Variants in TENM4 observed in about 807,000 individuals in gnomAD.
TENM4 encodes teneurin-4.
In TENM4, 82 loss-of-function variants were observed where a neutral mutation model predicts 243.3. The ratio of observed to expected loss-of-function variants is 0.34; its 90% CI spans 0.28 to 0.40. The LOEUF is 0.40. Among genes scored for constraint, TENM4 ranks in the 10% least tolerant of loss-of-function variants. TENM4 has a pLI of 1.00. For missense variants in TENM4, 3,138 were observed against 3,673.3 expected, an observed-to-expected ratio of 0.85 and a Z score of 3.77; for synonymous variants, 1,412 against 1,456.3, an observed-to-expected ratio of 0.97 and a Z score of 0.69.
chr11:79,237,342 C>T (rs192346028), intron 2 of TENM4, among the ~76,000 whole-genome samples: 3 of 152,272 alleles, frequency 2.0e-5, no homozygotes, highest in Admixed American at 6.5e-5. Context: ...TCTGCTAATG[C>T]CTGGGAAATC....
intron 12 of TENM4, among the ~76,000 whole-genome samples, chr11:78,841,054 C>T (rs949611449): frequency 1.3e-5 from 2 of 152,226 alleles, no homozygotes; most frequent in South Asian, 4.1e-4. Flanking sequence ...GTGCATGTTA[C>T]TGCCAATAAC....
At chr11:79,267,676 G>T (rs1855904718) in intron 2 of TENM4, among the ~76,000 whole-genome samples, 1 of 152,228 alleles carries the variant, frequency 6.6e-6, no homozygotes, top group South Asian at 2.1e-4. Context: ...ATTCCTTAGA[G>T]AATAAATTAT....
chr11:79,159,379 C>T (rs992853270), intron 3 of TENM4, among the ~76,000 whole-genome samples: 5 of 151,798 alleles, frequency 3.3e-5, no homozygotes, highest in African/African-American at 7.3e-5. Context: ...CCTTATTTTG[C>T]GAATACAGAA....
chr11:78,927,596 C>T (rs1856579453), intron 6 of TENM4, among the ~76,000 whole-genome samples: 1 of 152,186 alleles, frequency 6.6e-6, no homozygotes. Context: ...CCTCCCTTTG[C>T]TCAGCGTCAG....
intron 28 of TENM4, among the ~76,000 whole-genome samples, chr11:78,697,249 C>G (rs1395622589): frequency 1.3e-5 from 2 of 152,204 alleles, no homozygotes; most frequent in African/African-American, 4.8e-5. Flanking sequence ...GCCATCCCAG[C>G]TGAACTCTTT....
At chr11:78,743,689 C>G (rs773329067) in intron 19 of TENM4, among the ~76,000 whole-genome samples, 4 of 152,140 alleles carry the variant, frequency 2.6e-5, no homozygotes, top group Admixed American at 1.3e-4. Context: ...ATTCTATACC[C>G]TCCTCATCTG....
At chr11:79,037,693 C>T (rs980926143) in intron 6 of TENM4, among the ~76,000 whole-genome samples, 1 of 152,130 alleles carries the variant, frequency 6.6e-6, no homozygotes, top group South Asian at 2.1e-4. Flanking sequence ...TCTATTAATA[C>T]CTTTTCTCCC....
chr11:79,268,143 T>C (rs1855911242), intron 2 of TENM4, among the ~76,000 whole-genome samples: 1 of 152,216 alleles, frequency 6.6e-6, no homozygotes, highest in Non-Finnish European at 1.5e-5. Flanking sequence ...CTTTCTCAAC[T>C]GTGAACTCAA....
Position 79,003,916 on chromosome 11 carries a change from C to T in TENM4, c.493+60822G>A, listed in dbSNP as rs569898211. 3.1e-4 allele frequency among the ~76,000 whole-genome samples: 47 copies of T among 149,840 alleles called. No homozygotes were observed. In the South Asian group the frequency reaches 9.8e-3, roughly 31 times the overall value. On this transcript the variant is annotated intron_variant, in intron 6 of 33. Coordinates refer to ENST00000278550, the MANE Select transcript of TENM4 (RefSeq NM_001098816.3). ...TCTCACATGCTATGGCACCCACAGGCTTAAAATAAAGGAATGGAGAAAAAT... is the reference window on the plus strand; with the variant it reads ...TCTCACATGCTATGGCACCCACAGGTTTAAAATAAAGGAATGGAGAAAAAT...
intron 3 of TENM4, among the ~76,000 whole-genome samples, chr11:79,190,396 A>G (rs898374124): frequency 1.3e-5 from 2 of 152,200 alleles, no homozygotes; most frequent in Admixed American, 6.5e-5. Context: ...CACCTTGTAA[A>G]TGGCAAATGT....
At chr11:79,088,973 A>G (rs2137047596) in intron 4 of TENM4, among the ~76,000 whole-genome samples, 1 of 152,204 alleles carries the variant, frequency 6.6e-6, no homozygotes, top group Non-Finnish European at 1.5e-5. Context: ...AGTTGTTTAT[A>G]TCCCTGCCAT....
rs559914503 is a variant in TENM4 at position 78,812,304 on chromosome 11, A to C, written c.1796T>G (p.Val599Gly). The C allele has an allele frequency of 6.4e-7, 1 of 1,551,684 alleles. No homozygotes were observed. Among genetic ancestry groups the C allele is most frequent in the African/African-American group, 1.4e-5 (1 of 73,188 alleles). The change falls in exon 14 of 34, where the codon GTG becomes GGG. Residue 599 changes from valine (V) to glycine (G), a missense_variant. Val to Gly is a moderately radical substitution (Grantham distance 109). Transcript: ENST00000278550. The stretch of plus-strand genomic sequence containing the variant: ...GTATTGGCCATTTCCGCTACAGAGC[A>C]CGGGGCAGGAGGCTGGGGAGACAGC... ...GPDCGRASCP[V>G]LCSGNGQYMK...
chr11:79,435,236 GA>G (rs199733204), intron 1 of TENM4, among the ~76,000 whole-genome samples: 11 of 150,746 alleles, frequency 7.3e-5, no homozygotes, highest in Admixed American at 2.0e-4. Context: ...GACTGTAAAA[GA>G]AAAAAAAAGT....
Position 78,729,717 on chromosome 11 carries a change from A to G in TENM4, c.3139-74T>C. 5 of 1,522,762 alleles carry G rather than the reference A, an allele frequency of 3.3e-6. No homozygotes were observed. The South Asian group carries it at 5.1e-5, about 16-fold the overall frequency. The allele number at this position is 1,522,762 out of a possible 1,614,324, so 94.3% of individuals were successfully genotyped here. On this transcript the variant is annotated intron_variant, in intron 21 of 33. Transcript: ENST00000278550. ...AGTGGAGGGAAGATGGCGTGGCCCC[A>G]TGGACTCTGGGTGTTCAGGAGGTAG... is the stretch of plus-strand genomic sequence containing the variant.
At chr11:78,755,116 C>T (rs1856276684) in intron 19 of TENM4, among the ~76,000 whole-genome samples, 1 of 152,150 alleles carries the variant, frequency 6.6e-6, no homozygotes, top group Non-Finnish European at 1.5e-5. Context: ...CTCCCCATGG[C>T]TTCTTCTTCA....
intron 3 of TENM4, among the ~76,000 whole-genome samples, chr11:79,174,815 T>C (rs2135124573): frequency 6.6e-6 from 1 of 152,346 alleles, no homozygotes; most frequent in South Asian, 2.1e-4. Context: ...TTCACCTTGC[T>C]CATCAGGTCT....
chr11:79,409,101 T>G (rs11237823), intron 1 of TENM4, among the ~76,000 whole-genome samples: 2 of 103,632 alleles, frequency 1.9e-5, no homozygotes, highest in African/African-American at 9.0e-5. Context: ...TGTGTGTGTG[T>G]GCGCGCGCGC....
At chr11:79,217,529 TC>T (rs1565254435) in intron 2 of TENM4, among the ~76,000 whole-genome samples, 1 of 152,194 alleles carries the variant, frequency 6.6e-6, no homozygotes, top group Non-Finnish European at 1.5e-5. Context: ...TGCTGGGAAT[TC>T]CCATGAAAAA....
intron 12 of TENM4, among the ~76,000 whole-genome samples, chr11:78,830,952 C>A (rs1857966541): frequency 6.6e-6 from 1 of 152,176 alleles, no homozygotes; most frequent in Admixed American, 6.5e-5. Flanking sequence ...GCCATCACCA[C>A]CACCTGTTAT....
Sources: allele counts gnomAD v4.1 joint callset (sites outside exome capture counted in the v4.1 genomes callset), GRCh38; gene constraint gnomAD v4.1.1; transcripts MANE v1.5; gene names NCBI Gene and HGNC (gene_info 2026-07-23, HGNC 2026-07-21).